FOXP1: variants seen among roughly 807,000 people sequenced by gnomAD.
FOXP1 encodes the protein forkhead box P1, also known as forkhead box protein P1.
In FOXP1, 15 loss-of-function variants were observed where a neutral mutation model predicts 98.2. The observed-to-expected ratio is 0.15, with a 90% CI of 0.10 to 0.24. FOXP1 has a LOEUF of 0.24. FOXP1 is among the 10% of genes least tolerant of loss of function. The pLI, the probability that FOXP1 is intolerant of heterozygous loss-of-function variation, is 1.00. For synonymous variants in FOXP1, 371 were observed against 314.5 expected, an observed-to-expected ratio of 1.18 and a Z score of -1.90; for missense variants, 633 against 848.5, an observed-to-expected ratio of 0.75 and a Z score of 3.15.
chr3:71,416,098 G>A (rs1381158250), intron 3 of FOXP1, among the ~76,000 whole-genome samples: 2 of 152,302 alleles, frequency 1.3e-5, no homozygotes, highest in Admixed American at 6.5e-5. Context: ...GAAAGAACCT[G>A]TAAAGTTACA....
intron 6 of FOXP1, among the ~76,000 whole-genome samples, chr3:71,117,089 C>CTTTT (rs11380918): frequency 2.0e-5 from 3 of 148,470 alleles, no homozygotes; most frequent in Non-Finnish European, 3.0e-5. Context: ...AGAGATAAAT[C>CTTTT]TTTTTTTTTT....
At chr3:71,316,719 G>A (rs1043638193) in intron 4 of FOXP1, among the ~76,000 whole-genome samples, 1 of 150,424 alleles carries the variant, frequency 6.6e-6, no homozygotes, top group African/African-American at 2.5e-5. Context: ...GCGCAGTGGT[G>A]CGATCTCAGC....
intron 4 of FOXP1, among the ~76,000 whole-genome samples, chr3:71,338,425 T>C (rs2076816052): frequency 1.3e-5 from 2 of 151,898 alleles, no homozygotes; most frequent in African/African-American, 2.4e-5. Context: ...CCAACCCGAG[T>C]CTTTAATTAT....
intron 5 of FOXP1, among the ~76,000 whole-genome samples, chr3:71,275,604 C>T (rs1039238548): frequency 6.6e-6 from 1 of 152,216 alleles, no homozygotes; most frequent in Non-Finnish European, 1.5e-5. Context: ...ACGCTGAGAA[C>T]AAAACATACC....
At chr3:71,488,986 C>A (rs60405683) in intron 3 of FOXP1, among the ~76,000 whole-genome samples, 42,666 of 152,042 alleles carry the variant, frequency 0.28, 6,347 homozygotes, top group Non-Finnish European at 0.33. Flanking sequence ...AGCACAACAC[C>A]GTGGGCTGGC....
At chr3:71,472,145 T>A (rs1398897396) in intron 3 of FOXP1, among the ~76,000 whole-genome samples, 1 of 152,096 alleles carries the variant, frequency 6.6e-6, no homozygotes, top group East Asian at 1.9e-4. Context: ...GGGGGAGGAG[T>A]TATAAGTAAG....
intron 6 of FOXP1, among the ~76,000 whole-genome samples, chr3:71,131,594 G>T (rs1267461632): frequency 6.6e-6 from 1 of 152,116 alleles, no homozygotes; most frequent in Non-Finnish European, 1.5e-5. Flanking sequence ...GTTTACATAG[G>T]CCCCAATCTT....
At chr3:71,162,061 A>C (rs770246071) in intron 6 of FOXP1, among the ~76,000 whole-genome samples, 10 of 152,228 alleles carry the variant, frequency 6.6e-5, no homozygotes, top group Non-Finnish European at 1.5e-4. Context: ...TTATGTGCAG[A>C]GTCAAAAAGA....
chr3:71,439,630 A>T (rs2085718178), intron 3 of FOXP1, among the ~76,000 whole-genome samples: 1 of 152,214 alleles, frequency 6.6e-6, no homozygotes, highest in Non-Finnish European at 1.5e-5. Flanking sequence ...CACATTCAAC[A>T]GAATATTATT....
chr3:71,049,710 C>T (rs1159620902), intron 9 of FOXP1, among the ~76,000 whole-genome samples: 1 of 152,096 alleles, frequency 6.6e-6, no homozygotes, highest in Non-Finnish European at 1.5e-5. Context: ...AATTAACATA[C>T]TTGTTCCATC....
chr3:71,543,778 A>G (rs1017014198), intron 2 of FOXP1, among the ~76,000 whole-genome samples: 3 of 152,248 alleles, frequency 2.0e-5, no homozygotes, highest in Non-Finnish European at 4.4e-5. Context: ...GGCAGACTGA[A>G]TCATTTCTTT....
rs780337314 is a variant in FOXP1, at chr3:71,526,455, T to C, written c.-297-32900A>G. ...TAGTCTAAACACAAACTACACATCA[T>C]ATAGAAACCTGCAAGGAATAAAAAC... is the stretch of plus-strand genomic sequence containing the variant. On this transcript the variant is annotated intron_variant, in intron 2 of 20. Coordinates refer to ENST00000649528, the MANE Select transcript of FOXP1 (RefSeq NM_001349338.3). 2.8e-4 allele frequency among the ~76,000 whole-genome samples: 43 copies of C among 152,188 alleles called. 1 individual carries two copies. Among genetic ancestry groups the C allele is most frequent in the Admixed American group, 2.0e-4 (3 of 15,286 alleles).
At chr3:71,551,852 C>T (rs181885847) in intron 2 of FOXP1, among the ~76,000 whole-genome samples, 243 of 152,308 alleles carry the variant, frequency 1.6e-3, no homozygotes, top group African/African-American at 5.6e-3. Context: ...ATGGAATATA[C>T]TATTAAAGCA....
intron 2 of FOXP1, among the ~76,000 whole-genome samples, chr3:71,577,409 A>G (rs1232895393): frequency 1.3e-5 from 2 of 151,998 alleles, no homozygotes; most frequent in East Asian, 1.9e-4. Context: ...ACATGGTCAC[A>G]TGCTCATTGA....
intron 6 of FOXP1, among the ~76,000 whole-genome samples, chr3:71,187,309 G>A (rs560632504): frequency 1.3e-5 from 2 of 152,290 alleles, no homozygotes; most frequent in East Asian, 3.9e-4. Context: ...TAATGGGCTG[G>A]GGGTGGTGGC....
At chr3:71,070,847 G>A (rs1246103253) in intron 7 of FOXP1, among the ~76,000 whole-genome samples, 8 of 152,186 alleles carry the variant, frequency 5.3e-5, no homozygotes, top group Admixed American at 5.2e-4. Context: ...CTTAGCAGTT[G>A]CAACCTCAAA....
chr3:71,035,726 A>C (rs1326606899), intron 11 of FOXP1, among the ~76,000 whole-genome samples: 7 of 152,226 alleles, frequency 4.6e-5, no homozygotes, highest in Admixed American at 6.5e-5. Flanking sequence ...TAGCTTGCTC[A>C]GTATTTCAAA....
chr3:71,420,593 T>C (rs753744640), intron 3 of FOXP1, among the ~76,000 whole-genome samples: 4 of 152,124 alleles, frequency 2.6e-5, no homozygotes, highest in Non-Finnish European at 4.4e-5. Context: ...ACATTCTACA[T>C]ATATGTATGT....
chr3:71,152,398 A>G (rs753067446), intron 6 of FOXP1, among the ~76,000 whole-genome samples: 1 of 152,224 alleles, frequency 6.6e-6, no homozygotes, highest in East Asian at 1.9e-4. Context: ...AAACTGTGGA[A>G]TGACAGATAT....
Sources: allele counts gnomAD v4.1 joint callset (sites outside exome capture counted in the v4.1 genomes callset), GRCh38; gene constraint gnomAD v4.1.1; transcripts MANE v1.5; gene names NCBI Gene and HGNC (gene_info 2026-07-23, HGNC 2026-07-21).